OSBPL10: variants seen among roughly 807,000 people sequenced by gnomAD.
OSBPL10 encodes oxysterol-binding protein-related protein 10.
OSBPL10 carries 49 observed loss-of-function variants against 81.7 expected under a neutral mutation model. The observed-to-expected ratio is 0.60, with a 90% CI of 0.48 to 0.76. The LOEUF (loss-of-function observed/expected upper bound fraction) is 0.76. Among genes scored for constraint, OSBPL10 ranks in the 30% least tolerant of loss-of-function variants. The probability of loss-of-function intolerance (pLI) is 0.00; values close to 1 mark genes in which losing one functional copy is unlikely to be tolerated. For missense variants in OSBPL10, 923 were observed against 987.8 expected (o/e 0.93, Z 0.88); for synonymous variants, 419 against 383.6 (o/e 1.09, Z -1.08).
intron 3 of OSBPL10, among the ~76,000 whole-genome samples, chr3:31,835,242 C>A (rs1424427003): frequency 6.6e-6 from 1 of 152,078 alleles, no homozygotes; most frequent in Admixed American, 6.5e-5. Flanking sequence ...CAGAAACCCA[C>A]CTGTTAGAGA....
At chr3:31,929,195 G>C (rs4377514) in intron 1 of OSBPL10, among the ~76,000 whole-genome samples, 1 of 152,048 alleles carries the variant, frequency 6.6e-6, no homozygotes, top group South Asian at 2.1e-4. Flanking sequence ...AAAAGATAGA[G>C]ATGGATGCTT....
intron 2 of OSBPL10, among the ~76,000 whole-genome samples, chr3:32,000,506 T>A (rs1699134603): frequency 6.6e-6 from 1 of 152,234 alleles, no homozygotes; most frequent in African/African-American, 2.4e-5. Flanking sequence ...GCCAGCATGC[T>A]GACTCCCATA....
chr3:31,997,697 G>C (rs1699103920), intron 2 of OSBPL10, among the ~76,000 whole-genome samples: 1 of 152,044 alleles, frequency 6.6e-6, no homozygotes, highest in Non-Finnish European at 1.5e-5. Flanking sequence ...CGAACATCTG[G>C]AGATGGGAGA....
chr3:31,931,099 G>A (rs1345846791), intron 1 of OSBPL10, among the ~76,000 whole-genome samples: 1 of 151,138 alleles, frequency 6.6e-6, no homozygotes, highest in African/African-American at 2.4e-5. Flanking sequence ...ATATCTCTGG[G>A]AGCATATAGA....
chr3:31,939,468 A>C (rs1697477588), intron 1 of OSBPL10, among the ~76,000 whole-genome samples: 1 of 151,186 alleles, frequency 6.6e-6, no homozygotes, highest in South Asian at 2.1e-4. Flanking sequence ...AAAAAAAAAA[A>C]CAAAAAAATT....
At chr3:31,718,262 G>A (rs2125632080) in intron 6 of OSBPL10, 1 of 152,626 alleles carries the variant, frequency 6.6e-6, no homozygotes, top group South Asian at 2.1e-4. Context: ...CAAGTAGCTG[G>A]GACTACAGGT....
At chr3:31,956,127 G>GAAGGAATCTACTGTTTGTAACT (rs1698000615) in intron 1 of OSBPL10, among the ~76,000 whole-genome samples, 1 of 152,176 alleles carries the variant, frequency 6.6e-6, no homozygotes, top group Non-Finnish European at 1.5e-5. Flanking sequence ...AGACTGCTTA[G>GAAGGAATCTACTGTTTGTAACT]AAGGAATCTA....
intron 1 of OSBPL10, among the ~76,000 whole-genome samples, chr3:31,881,125 T>C (rs1473125188): frequency 6.6e-6 from 1 of 152,202 alleles, no homozygotes; most frequent in Non-Finnish European, 1.5e-5. Flanking sequence ...TCCCTCATGG[T>C]ACTGGCCCCA....
At chr3:31,826,483 A>G (rs1290590675) in intron 4 of OSBPL10, among the ~76,000 whole-genome samples, 1 of 152,084 alleles carries the variant, frequency 6.6e-6, no homozygotes, top group Non-Finnish European at 1.5e-5. Flanking sequence ...AAACTGTCCC[A>G]TTATTTTCAC....
chr3:32,033,253 C>T (rs1389133818), intron 2 of OSBPL10, among the ~76,000 whole-genome samples: 1 of 152,120 alleles, frequency 6.6e-6, no homozygotes, highest in African/African-American at 2.4e-5. Context: ...CTATATTAAT[C>T]TTGTAAAATT....
At chr3:31,770,744 T>C (rs770019748) in intron 4 of OSBPL10, among the ~76,000 whole-genome samples, 6 of 151,890 alleles carry the variant, frequency 4.0e-5, no homozygotes, top group Non-Finnish European at 5.9e-5. Flanking sequence ...CAAGATCGCG[T>C]CATTGCACTC....
At chr3:31,673,802 TTC>T (rs1330972717) in intron 8 of OSBPL10, among the ~76,000 whole-genome samples, 1 of 152,128 alleles carries the variant, frequency 6.6e-6, no homozygotes, top group Non-Finnish European at 1.5e-5. Context: ...GAGGCTCTTT[TTC>T]TTTTTTGGAG....
chr3:31,971,741 A>G lies in OSBPL10; in HGVS notation c.281+9158T>C, dbSNP rs985464607. ...GATCAAACTACATCTCACAGGCTAT[A>G]TCAGCCCACCGCCAGCTTTTATAAA... On this transcript the variant is annotated intron_variant, in intron 1 of 11. Coordinates refer to ENST00000396556, the MANE Select transcript of OSBPL10 (RefSeq NM_017784.5). 2.1e-5 allele frequency among the ~76,000 whole-genome samples: 3 copies of G among 142,914 alleles called. No individual in the cohort carries two copies. In the Admixed American group the frequency reaches 2.2e-4, roughly 10 times the overall value. The allele number at this position is 142,914 out of a possible 152,430, so 93.8% of individuals were successfully genotyped here. A position where few individuals can be genotyped will look rare whatever the true frequency, so the allele number is the denominator to read the frequency against.
intron 2 of OSBPL10, among the ~76,000 whole-genome samples, chr3:32,002,654 T>C (rs1278351943): frequency 3.1e-5 from 4 of 130,260 alleles, no homozygotes; most frequent in African/African-American, 5.2e-5. Context: ...GATGTTTCAC[T>C]CTAACATCAT....
At chr3:32,001,936 T>C (rs766356392) in intron 2 of OSBPL10, among the ~76,000 whole-genome samples, 8 of 152,198 alleles carry the variant, frequency 5.3e-5, no homozygotes, top group Non-Finnish European at 1.2e-4. Flanking sequence ...ATTATTATGC[T>C]TAATAAAATA....
intron 2 of OSBPL10, among the ~76,000 whole-genome samples, chr3:32,038,590 G>T (rs1042500281): frequency 6.6e-6 from 1 of 152,108 alleles, no homozygotes; most frequent in African/African-American, 2.4e-5. Flanking sequence ...CCAAAGTGCT[G>T]GGATTACAGG....
intron 1 of OSBPL10, among the ~76,000 whole-genome samples, chr3:31,894,830 C>A (rs977645412): frequency 6.6e-6 from 1 of 152,226 alleles, no homozygotes; most frequent in Non-Finnish European, 1.5e-5. Flanking sequence ...TAGTCGGACA[C>A]AACATGCTAT....
At chr3:31,874,435 C>T (rs1701401040) in intron 3 of OSBPL10, among the ~76,000 whole-genome samples, 1 of 151,942 alleles carries the variant, frequency 6.6e-6, no homozygotes, top group Non-Finnish European at 1.5e-5. Context: ...ACTCAAAATA[C>T]AAATTGTCTA....
intron 8 of OSBPL10, among the ~76,000 whole-genome samples, chr3:31,679,026 T>C (rs985887450): frequency 2.0e-5 from 3 of 151,998 alleles, no homozygotes; most frequent in African/African-American, 7.2e-5. Flanking sequence ...GATCCCAAAA[T>C]GTGGCCTCTC....
Sources: gnomAD v4.1 joint callset for allele counts (sites outside exome capture counted in the v4.1 genomes callset) on GRCh38, gnomAD v4.1.1 for gene constraint, MANE v1.5 for transcripts, NCBI Gene and HGNC (gene_info 2026-07-23, HGNC 2026-07-21) for gene names.